ANKRD6: variants seen among roughly 807,000 people sequenced by gnomAD.
ANKRD6 encodes the protein ankyrin repeat domain-containing protein 6.
In ANKRD6, 56 loss-of-function variants were observed where a neutral mutation model predicts 82.3. The ratio of observed to expected loss-of-function variants is 0.68; its 90% CI spans 0.55 to 0.85. ANKRD6 has a LOEUF of 0.85. Ranked by LOEUF, ANKRD6 falls within the 40% of genes least tolerant of loss-of-function variation. The pLI, the probability that ANKRD6 is intolerant of heterozygous loss-of-function variation, is 0.00. For missense variants in ANKRD6, 852 were observed against 907.6 expected (o/e 0.94, Z 0.79); for synonymous variants, 347 against 352.1 (o/e 0.99, Z 0.16).
chr6:89,482,018 C>T (rs1029672301), intron 1 of ANKRD6, among the ~76,000 whole-genome samples: 1 of 152,164 alleles, frequency 6.6e-6, no homozygotes, highest in East Asian at 1.9e-4. Flanking sequence ...TTTACCATTG[C>T]CCCTCATAAG....
intron 1 of ANKRD6, among the ~76,000 whole-genome samples, chr6:89,504,654 C>T (rs1779643069): frequency 6.6e-6 from 1 of 152,150 alleles, no homozygotes; most frequent in South Asian, 2.1e-4. Flanking sequence ...ATCCTCCTTT[C>T]TTGGCCTCCC....
At position 89,550,862 on chromosome 6, in the gene ANKRD6, A is replaced by G. The variant is rs192659144; in HGVS notation, c.-143-15972A>G. ...TCCCAGCTACTTGGGAGGCTGAGGC[A>G]GGAGAATCGCTTGAACTCAGGAGGC... is the stretch of plus-strand genomic sequence containing the variant. On this transcript the variant is annotated intron_variant, in intron 1 of 15. Transcript: ENST00000339746. Among the ~76,000 whole-genome samples, 554 of 152,292 alleles carry G rather than the reference A, an allele frequency of 3.6e-3. 12 individuals are homozygous for G. Among genetic ancestry groups the G allele is most frequent in the Non-Finnish European group, 1.0e-3 (69 of 68,032 alleles).
intron 2 of ANKRD6, among the ~76,000 whole-genome samples, chr6:89,589,927 TCTC>T (rs566513908): frequency 2.0e-4 from 30 of 152,218 alleles, no homozygotes; most frequent in Middle Eastern, 3.4e-3. Context: ...TACTGCCTCT[TCTC>T]CTCACCCCTG....
At chr6:89,535,683 C>T (rs917920560) in intron 1 of ANKRD6, among the ~76,000 whole-genome samples, 21 of 152,166 alleles carry the variant, frequency 1.4e-4, no homozygotes, top group Non-Finnish European at 2.5e-4. Context: ...ATGTGTTTCT[C>T]CTGAAAGAAT....
chr6:89,618,123 C>G (rs1156488546), intron 9 of ANKRD6, 92 bp downstream of exon 9: 1 of 1,374,556 alleles, frequency 7.3e-7, no homozygotes, highest in Admixed American at 1.7e-5. Flanking sequence ...CCTCTTCAAA[C>G]TAACTTAAAT....
At chr6:89,577,968 A>G (rs1013743068) in intron 2 of ANKRD6, among the ~76,000 whole-genome samples, 2 of 152,220 alleles carry the variant, frequency 1.3e-5, no homozygotes, top group Non-Finnish European at 2.9e-5. Flanking sequence ...TTTGATACCT[A>G]CCACTCTCCC....
At chr6:89,606,178 C>A in intron 5 of ANKRD6, 73 bp downstream of exon 5, 1 of 1,263,824 alleles carries the variant, frequency 7.9e-7, no homozygotes, top group South Asian at 1.6e-5. Flanking sequence ...CCTGTGGGAG[C>A]CTTCTTCCAG....
chr6:89,570,430 T>C (rs1399300352), intron 2 of ANKRD6, among the ~76,000 whole-genome samples: 1 of 152,198 alleles, frequency 6.6e-6, no homozygotes, highest in Non-Finnish European at 1.5e-5. Flanking sequence ...CTTCAACCAT[T>C]TTTAAATGTA....
At chr6:89,460,906 A>ATTTTTTTTTTTTTT (rs1554213815) in intron 1 of ANKRD6, among the ~76,000 whole-genome samples, 2 of 83,912 alleles carry the variant, frequency 2.4e-5, no homozygotes, top group Non-Finnish European at 2.3e-5. Context: ...GTGTTTTGGA[A>ATTTTTTTTTTTTTT]TTCTTTTTTT....
chr6:89,595,134 C>T (rs567891049), intron 2 of ANKRD6, among the ~76,000 whole-genome samples: 40 of 152,154 alleles, frequency 2.6e-4, no homozygotes, highest in South Asian at 1.2e-3. Context: ...GAGGCCAAGG[C>T]GGGTGGATCA....
chr6:89,557,683 C>T (rs560610041), intron 1 of ANKRD6, among the ~76,000 whole-genome samples: 2 of 152,278 alleles, frequency 1.3e-5, no homozygotes, highest in East Asian at 3.9e-4. Context: ...TGCCACACAG[C>T]AGGAGGTGAG....
intron 14 of ANKRD6, among the ~76,000 whole-genome samples, chr6:89,628,516 T>A (rs1320834269): frequency 6.6e-6 from 1 of 152,162 alleles, no homozygotes; most frequent in Non-Finnish European, 1.5e-5. Flanking sequence ...ACGCCTGTAA[T>A]CCCAGCACTT....
At position 89,616,562 on chromosome 6, in the gene ANKRD6, G is replaced by A. The variant is rs1801635587; in HGVS notation, c.619G>A (p.Gly207Arg). Residue 207 changes from glycine to arginine, a missense_variant, in exon 8 of 16, where the codon GGA (glycine) becomes AGA (arginine). Coordinates refer to ENST00000339746, the MANE Select transcript of ANKRD6 (RefSeq NM_001242809.2). ...CAGACCTTCTAATCAATTCCAGGCT[G>A]GAGACACAGCACTTCACGTTGCTGC... ...FCSVHEKNQA[G>R]DTALHVAAAL... 1 of 1,613,880 alleles carries A rather than the reference G, an allele frequency of 6.2e-7. No homozygotes were observed.
At chr6:89,587,773 C>T (rs1435952545) in intron 2 of ANKRD6, among the ~76,000 whole-genome samples, 1 of 152,060 alleles carries the variant, frequency 6.6e-6, no homozygotes, top group African/African-American at 2.4e-5. Context: ...ATTCCCTTGC[C>T]GTTTCTTGTC....
chr6:89,496,724 A>G (rs1176868887), intron 1 of ANKRD6, among the ~76,000 whole-genome samples: 2 of 152,110 alleles, frequency 1.3e-5, no homozygotes, highest in Non-Finnish European at 2.9e-5. Flanking sequence ...GGGTTTTGCC[A>G]TGTTGGCCAG....
chr6:89,545,839 C>G (rs1471862657), intron 1 of ANKRD6, among the ~76,000 whole-genome samples: 1 of 152,212 alleles, frequency 6.6e-6, no homozygotes, highest in Non-Finnish European at 1.5e-5. Context: ...GAGTCTCACA[C>G]TGTTGCCCAG....
intron 1 of ANKRD6, among the ~76,000 whole-genome samples, chr6:89,545,721 T>C (rs1583203541): frequency 6.6e-6 from 1 of 152,230 alleles, no homozygotes; most frequent in Non-Finnish European, 1.5e-5. Context: ...GTTGTTGTTA[T>C]AACAATGATA....
chr6:89,536,963 G>A (rs760499590), intron 1 of ANKRD6, among the ~76,000 whole-genome samples: 1 of 152,156 alleles, frequency 6.6e-6, no homozygotes, highest in Non-Finnish European at 1.5e-5. Context: ...GCAGGTGTAA[G>A]CCACCATGCC....
At chr6:89,474,056 C>G (rs1338701941) in intron 1 of ANKRD6, among the ~76,000 whole-genome samples, 2 of 152,144 alleles carry the variant, frequency 1.3e-5, no homozygotes, top group Non-Finnish European at 2.9e-5. Context: ...GTTTATGTGT[C>G]AAACTTCTCC....
Sources: gnomAD v4.1 joint callset for allele counts (sites outside exome capture counted in the v4.1 genomes callset) on GRCh38, gnomAD v4.1.1 for gene constraint, MANE v1.5 for transcripts, NCBI Gene and HGNC (gene_info 2026-07-23, HGNC 2026-07-21) for gene names.